Variants in APBB1IP observed in about 807,000 individuals in gnomAD.
APBB1IP encodes amyloid beta precursor protein binding family B member 1 interacting protein.
A neutral mutation model predicts 64.9 loss-of-function variants in APBB1IP; 27 were observed. That is an observed-to-expected ratio of 0.42 (90% CI 0.31 to 0.57). The LOEUF is 0.57. Among genes scored for constraint, APBB1IP ranks in the 20% least tolerant of loss-of-function variants. APBB1IP has a pLI of 0.20. For synonymous variants in APBB1IP, 392 were observed against 331.0 expected, an observed-to-expected ratio of 1.18 and a Z score of -2.00; for missense variants, 812 against 845.5, an observed-to-expected ratio of 0.96 and a Z score of 0.49.
chr10:26,529,728 C>G (rs1032369537), intron 8 of APBB1IP, among the ~76,000 whole-genome samples: 2 of 152,190 alleles, frequency 1.3e-5, no homozygotes, highest in Non-Finnish European at 2.9e-5. Flanking sequence ...GTAACCTCCA[C>G]TTCCCAGTCT....
chr10:26,541,242 C>A (rs1340233671), intron 10 of APBB1IP, among the ~76,000 whole-genome samples: 1 of 152,104 alleles, frequency 6.6e-6, no homozygotes, highest in African/African-American at 2.4e-5. Context: ...TGTTTTGATA[C>A]ATATAATGTA....
intron 11 of APBB1IP, among the ~76,000 whole-genome samples, chr10:26,545,556 C>T (rs1210810954): frequency 3.9e-5 from 6 of 151,974 alleles, no homozygotes; most frequent in African/African-American, 1.4e-4. Context: ...GTCAGGAGAT[C>T]GAGACCATCC....
rs149016872 is a variant in APBB1IP at position 26,451,252 on chromosome 10, G to A, written c.-1+12399G>A. Among the ~76,000 whole-genome samples the A allele has an allele frequency of 6.1e-3, 921 of 152,166 alleles. 9 individuals carry two copies. The highest frequency in any genetic ancestry group is 0.021 in the African/African-American group (866 of 41,502). ...TGGGAGTCACATTAGAGTTGCCTTC[G>A]TTTTACTTTAGTTTTTGATAGAGGT... is the stretch of plus-strand genomic sequence containing the variant. On this transcript the variant is annotated intron_variant, in intron 2 of 14. Coordinates refer to ENST00000376236, the MANE Select transcript of APBB1IP (RefSeq NM_019043.4).
In APBB1IP at chr10:26,560,094, C is replaced by T; in HGVS notation, c.1156-11C>T. The T allele has an allele frequency of 1.2e-6, 2 of 1,611,930 alleles. No individual in the cohort carries two copies. Among genetic ancestry groups the T allele is most frequent in the South Asian group, 2.2e-5 (2 of 91,040 alleles). ...AAGTGAATACATTGTCTCGAAACTG[C>T]TTCTTTCTAGCACCCCCAAATTCAG... On this transcript the variant is annotated splice_polypyrimidine_tract_variant and intron_variant, in intron 11 of 14. Coordinates refer to ENST00000376236, the MANE Select transcript of APBB1IP (RefSeq NM_019043.4).
chr10:26,560,392 C>G (rs578214456), intron 12 of APBB1IP, among the ~76,000 whole-genome samples, 189 bp downstream of exon 12: 1 of 152,056 alleles, frequency 6.6e-6, no homozygotes, highest in African/African-American at 2.4e-5. Flanking sequence ...CTCCAGTAAC[C>G]GGATATTTAC....
Position 26,511,798 on chromosome 10 carries a change from G to A in APBB1IP, c.583G>A (p.Asp195Asn). Reference protein sequence around the residue: ...NDNSTKSLMVDERQLARDVLD... With the variant: ...NDNSTKSLMVNERQLARDVLD... ...TAACAGCACAAAGTCACTGATGGTG[G>A]ATGAGCGGCAGCTGGCCCGAGATGT... The change falls in exon 7 of 15, where the codon GAT (aspartate) becomes AAT (asparagine). Residue 195 changes from aspartate to asparagine, a missense_variant. Physicochemically the swap from Asp to Asn is conservative, Grantham distance 23. Transcript: ENST00000376236. 6.2e-7 allele frequency: 1 copy of A among 1,614,194 alleles called. No individual in the cohort carries two copies. The highest frequency in any genetic ancestry group is 8.5e-7 in the Non-Finnish European group (1 of 1,180,036).
chr10:26,449,670 A>G (rs1427256705), intron 2 of APBB1IP, among the ~76,000 whole-genome samples: 1 of 152,190 alleles, frequency 6.6e-6, no homozygotes, highest in Non-Finnish European at 1.5e-5. Context: ...ATGTGATTCC[A>G]TATTCTCCAA....
chr10:26,445,809 G>C (rs1835391698), intron 2 of APBB1IP, among the ~76,000 whole-genome samples: 1 of 152,236 alleles, frequency 6.6e-6, no homozygotes. Flanking sequence ...TCTAGGAGCT[G>C]TTGAAGAATG....
rs574145913 is a variant in APBB1IP, at chr10:26,501,992, G to A, written c.453+881G>A. Reference sequence around the variant, plus strand: ...GAAAATTTATGTGAAAATGGAGATCGATATAGAACAGAGACTCTTAATGTA... The same window carrying A: ...GAAAATTTATGTGAAAATGGAGATCAATATAGAACAGAGACTCTTAATGTA... On this transcript the variant is annotated intron_variant, in intron 5 of 14. Coordinates refer to ENST00000376236, the MANE Select transcript of APBB1IP (RefSeq NM_019043.4). 13 of 152,286 alleles carry A rather than the reference G, an allele frequency of 8.5e-5. No homozygotes were observed. The Middle Eastern group carries it at 0.01, about 120-fold the overall frequency. The allele number at this position is 152,286 out of a possible 1,614,324, so 9.4% of individuals were successfully genotyped here.
intron 11 of APBB1IP, among the ~76,000 whole-genome samples, chr10:26,556,287 G>A (rs764652830): frequency 2.6e-5 from 4 of 152,212 alleles, no homozygotes; most frequent in African/African-American, 9.6e-5. Flanking sequence ...CTCAAGACAC[G>A]GTGGAGAACA....
intron 2 of APBB1IP, among the ~76,000 whole-genome samples, chr10:26,442,522 A>G (rs995041802): frequency 2.0e-5 from 3 of 152,176 alleles, no homozygotes; most frequent in African/African-American, 7.2e-5. Flanking sequence ...TCACACAGCA[A>G]CTGTGTTTCC....
At chr10:26,513,300 A>T (rs1003256829) in intron 7 of APBB1IP, among the ~76,000 whole-genome samples, 1 of 152,238 alleles carries the variant, frequency 6.6e-6, no homozygotes, top group Non-Finnish European at 1.5e-5. Flanking sequence ...TAAGTGTGAC[A>T]GCTGACCATT....
intron 3 of APBB1IP, among the ~76,000 whole-genome samples, chr10:26,494,449 A>G (rs1281155383): frequency 6.6e-6 from 1 of 152,256 alleles, no homozygotes; most frequent in African/African-American, 2.4e-5. Context: ...ATATTCCTAA[A>G]TAAGATAAGG....
At chr10:26,469,262 T>C (rs568439588) in intron 2 of APBB1IP, among the ~76,000 whole-genome samples, 54 of 141,216 alleles carry the variant, frequency 3.8e-4, no homozygotes, top group Admixed American at 1.6e-3. Context: ...TCTTTTCTTT[T>C]TTTTTTTTTT....
At chr10:26,469,176 T>C (rs1452806563) in intron 2 of APBB1IP, among the ~76,000 whole-genome samples, 2 of 151,856 alleles carry the variant, frequency 1.3e-5, no homozygotes, top group African/African-American at 4.8e-5. Context: ...AACACATACA[T>C]TGTATAGCTG....
intron 8 of APBB1IP, among the ~76,000 whole-genome samples, chr10:26,517,186 A>T (rs1036985756): frequency 6.6e-6 from 1 of 152,202 alleles, no homozygotes; most frequent in Non-Finnish European, 1.5e-5. Context: ...TTCAGTGGGC[A>T]TCTGCAGTTT....
At chr10:26,506,969 G>C (rs553034496) in intron 6 of APBB1IP, among the ~76,000 whole-genome samples, 1 of 152,144 alleles carries the variant, frequency 6.6e-6, no homozygotes, top group Admixed American at 6.6e-5. Context: ...GATGCATGTG[G>C]GTGTGGTGCT....
At chr10:26,470,347 A>G (rs1471265638) in intron 2 of APBB1IP, among the ~76,000 whole-genome samples, 1 of 152,202 alleles carries the variant, frequency 6.6e-6, no homozygotes, top group African/African-American at 2.4e-5. Flanking sequence ...GACCACCCTG[A>G]CCAATATGGT....
intron 11 of APBB1IP, among the ~76,000 whole-genome samples, chr10:26,543,375 G>A (rs1032633048): frequency 2.0e-5 from 3 of 151,454 alleles, no homozygotes; most frequent in African/African-American, 4.9e-5. Context: ...CTTGAGGCAG[G>A]AGAATCACTT....
Sources: gnomAD v4.1 joint callset for allele counts (sites outside exome capture counted in the v4.1 genomes callset) on GRCh38, gnomAD v4.1.1 for gene constraint, MANE v1.5 for transcripts, NCBI Gene and HGNC (gene_info 2026-07-23, HGNC 2026-07-21) for gene names.